The following KANK4 variants were observed in gnomAD, a reference collection of about 807,000 sequenced individuals.
KANK4 encodes the protein KN motif and ankyrin repeat domain-containing protein 4.
Under a neutral mutation model 80.8 loss-of-function variants are expected in KANK4, and 50 were observed. The ratio of observed to expected loss-of-function variants is 0.62; its 90% CI spans 0.49 to 0.78. KANK4 has a LOEUF of 0.78. Among genes scored for constraint, KANK4 ranks in the 30% least tolerant of loss-of-function variants. KANK4 has a pLI of 0.00. For missense variants in KANK4, 1,196 were observed against 1,240.1 expected (o/e 0.96, Z 0.53); for synonymous variants, 465 against 506.9 (o/e 0.92, Z 1.11).
rs1672272355 is a variant in KANK4 at position 62,274,849 on chromosome 1, G to A, written c.255C>T (p.Ala85=). The A allele has an allele frequency of 5.0e-6, 8 of 1,613,988 alleles. No individual in the cohort carries two copies. Among genetic ancestry groups the A allele is most frequent in the African/African-American group, 2.7e-5 (2 of 74,928 alleles). The change falls in exon 3 of 10, where the codon GCC becomes GCT. Residue 85 remains alanine (A), a synonymous_variant. Coordinates refer to ENST00000371153, the MANE Select transcript of KANK4 (RefSeq NM_181712.5). ...CGGGAGACCAGTTTTGGAGGGGCGGGGCTGCAGGGGGGCGAGCCCCACTGT... is the reference window on the plus strand; with the variant it reads ...CGGGAGACCAGTTTTGGAGGGGCGGAGCTGCAGGGGGGCGAGCCCCACTGT... ...LPDSGARPPA[A]PPLQNWSPVV... is the part of the protein sequence containing the mutation.
Position 62,240,203 on chromosome 1 carries a change from C to G in KANK4, c.2884-1822G>C, listed in dbSNP as rs1462310487. On this transcript the variant is annotated intron_variant, in intron 9 of 9. Transcript: ENST00000371153. ...TGTTTCCTGACTTTTTAATGATCTC[C>G]ATTCTAACTGGTGTAAGATGGTATC... 2.0e-5 allele frequency among the ~76,000 whole-genome samples: 3 copies of G among 152,248 alleles called. No homozygotes were observed. In the East Asian group the frequency reaches 5.8e-4, roughly 29 times the overall value.
chr1:62,259,240 T>C (rs1570979849), intron 7 of KANK4, among the ~76,000 whole-genome samples: 1 of 152,190 alleles, frequency 6.6e-6, no homozygotes, highest in African/African-American at 2.4e-5. Context: ...ACCTCCTAGA[T>C]GGCAGAAATG....
intron 6 of KANK4, among the ~76,000 whole-genome samples, chr1:62,265,394 C>A (rs1237809969): frequency 6.6e-6 from 1 of 152,028 alleles, no homozygotes; most frequent in Non-Finnish European, 1.5e-5. Context: ...CGTGTGCCAC[C>A]ATGCCAGGCT....
At chr1:62,303,625 G>A (rs1187571355) in intron 1 of KANK4, among the ~76,000 whole-genome samples, 3 of 151,876 alleles carry the variant, frequency 2.0e-5, no homozygotes, top group African/African-American at 7.3e-5. Flanking sequence ...ACTAACTACT[G>A]AGCACTTGAA....
intron 1 of KANK4, among the ~76,000 whole-genome samples, chr1:62,298,739 C>T (rs1247614634): frequency 6.6e-6 from 1 of 152,146 alleles, no homozygotes; most frequent in African/African-American, 2.4e-5. Flanking sequence ...CAGTACTTGG[C>T]ATGTAGAAGA....
chr1:62,273,812 C>A lies in KANK4; in HGVS notation c.1292G>T (p.Gly431Val). 6.2e-7 allele frequency: 1 copy of A among 1,614,156 alleles called. No individual in the cohort carries two copies. Among genetic ancestry groups the A allele is most frequent in the East Asian group, 2.2e-5 (1 of 44,872 alleles). ...GCTGCCTAGAAGGTTGACTTCAATG[C>A]CCTTATCACACGACTCCCTGGTCAA... ...GLLTRESCDK[G>V]IEVNLLGSME... The change falls in exon 3 of 10, where the codon GGC (glycine) becomes GTC (valine). Residue 431 changes from glycine (G) to valine (V), a missense_variant. By Grantham distance (109) the Gly-to-Val change is moderately radical. Coordinates refer to ENST00000371153, the MANE Select transcript of KANK4 (RefSeq NM_181712.5).
In KANK4 at chr1:62,236,623, T is replaced by C. The variant is rs1298313034; in HGVS notation, c.*1654A>G. Among the ~76,000 whole-genome samples, 1 of 136,102 alleles carries C rather than the reference T, an allele frequency of 7.3e-6. No homozygotes were observed. The highest frequency in any genetic ancestry group is 2.2e-4 in the South Asian group (1 of 4,456). 89.3% of individuals were successfully genotyped at this position (136,102 alleles called of 152,430 possible). A position where few individuals can be genotyped will look rare whatever the true frequency, so the allele number is the denominator to read the frequency against. ...TTTTTTTTTTTTTTTTGAGACAGAGTTTTGCTCGTTACCCAGGCTGGAGTG... is the reference window on the plus strand; with the variant it reads ...TTTTTTTTTTTTTTTTGAGACAGAGCTTTGCTCGTTACCCAGGCTGGAGTG... On this transcript the variant is annotated 3_prime_UTR_variant, in exon 10 of 10. Coordinates refer to ENST00000371153, the MANE Select transcript of KANK4 (RefSeq NM_181712.5).
intron 1 of KANK4, among the ~76,000 whole-genome samples, chr1:62,291,348 A>C (rs1156306771): frequency 6.6e-6 from 1 of 152,234 alleles, no homozygotes. Context: ...TATCAGATAT[A>C]TGATTTGCAA....
chr1:62,271,421 G>T, intron 4 of KANK4, 57 bp downstream of exon 4: 2 of 1,148,654 alleles, frequency 1.7e-6, no homozygotes, highest in Non-Finnish European at 2.6e-6. Flanking sequence ...GAGTGCAAAG[G>T]ACAATAGCAG....
At chr1:62,283,165 G>C (rs565145982) in intron 1 of KANK4, among the ~76,000 whole-genome samples, 103 of 152,338 alleles carry the variant, frequency 6.8e-4, no homozygotes, top group African/African-American at 2.3e-3. Flanking sequence ...GAAGCCTGCA[G>C]AAGAAAAGAG....
At chr1:62,238,439 G>A (rs1671259235) in intron 9 of KANK4, 58 bp from the exon 10 acceptor site, 2 of 1,495,346 alleles carry the variant, frequency 1.3e-6, no homozygotes, top group South Asian at 1.1e-5. Flanking sequence ...CCTGCCTGGG[G>A]GAGAAGGGCA....
chr1:62,281,786 C>G (rs757694470), intron 1 of KANK4, among the ~76,000 whole-genome samples, 152 bp from the exon 2 acceptor site: 2 of 152,154 alleles, frequency 1.3e-5, no homozygotes, highest in African/African-American at 2.4e-5. Context: ...GATTAAAAAC[C>G]TGTACACATT....
intron 1 of KANK4, among the ~76,000 whole-genome samples, chr1:62,311,419 C>A (rs927886204): frequency 1.3e-5 from 2 of 152,106 alleles, no homozygotes; most frequent in Admixed American, 6.6e-5. Flanking sequence ...AAAAAAAACA[C>A]AACCACTACT....
chr1:62,295,957 C>G (rs1644359825), intron 1 of KANK4, among the ~76,000 whole-genome samples: 1 of 150,298 alleles, frequency 6.7e-6, no homozygotes, highest in South Asian at 2.1e-4. Flanking sequence ...TTGACTCTGT[C>G]CTGGGTAAGT....
At position 62,252,919 on chromosome 1, in the gene KANK4, C is replaced by T. The variant is rs556671898; in HGVS notation, c.2682+148G>A. 1.7e-4 allele frequency: 167 copies of T among 960,164 alleles called. 3 individuals are homozygous for T. In the South Asian group the frequency reaches 2.2e-3, roughly 13 times the overall value. The allele number at this position is 960,164 out of a possible 1,614,324, so 59.5% of individuals were successfully genotyped here. A position where few individuals can be genotyped will look rare whatever the true frequency, so the allele number is the denominator to read the frequency against. The stretch of plus-strand genomic sequence containing the variant: ...GAGCCTATAAGGAAAACTGAATATT[C>T]AGGCTTTGCCTGATGCCATTTGGAG... On this transcript the variant is annotated intron_variant, in intron 8 of 9. Coordinates refer to ENST00000371153, the MANE Select transcript of KANK4 (RefSeq NM_181712.5).
At chr1:62,256,373 C>A (rs1052488851) in intron 7 of KANK4, among the ~76,000 whole-genome samples, 6 of 151,910 alleles carry the variant, frequency 3.9e-5, no homozygotes, top group African/African-American at 1.4e-4. Context: ...TCCCTCCACC[C>A]CACAATTTTC....
intron 1 of KANK4, among the ~76,000 whole-genome samples, chr1:62,307,379 G>A (rs1004672054): frequency 6.6e-6 from 1 of 151,238 alleles, no homozygotes; most frequent in Non-Finnish European, 1.5e-5. Flanking sequence ...CTACTTGGGA[G>A]GCTGAGGAAG....
intron 1 of KANK4, among the ~76,000 whole-genome samples, chr1:62,305,377 C>T (rs947883270): frequency 2.0e-5 from 3 of 152,046 alleles, no homozygotes; most frequent in East Asian, 1.9e-4. Flanking sequence ...GGCGTGATCT[C>T]GGCTCACTGC....
intron 7 of KANK4, among the ~76,000 whole-genome samples, 183 bp from the exon 8 acceptor site, chr1:62,253,392 CT>C (rs1404505148): frequency 2.1e-5 from 3 of 141,756 alleles, no homozygotes; most frequent in East Asian, 2.2e-4. Flanking sequence ...CTTTTCTTTT[CT>C]TTTTTTTCTT....
Sources: gnomAD v4.1 joint callset for allele counts (sites outside exome capture counted in the v4.1 genomes callset) on GRCh38, gnomAD v4.1.1 for gene constraint, MANE v1.5 for transcripts, NCBI Gene and HGNC (gene_info 2026-07-23, HGNC 2026-07-21) for gene names.